MAN2B1: variants seen among roughly 807,000 people sequenced by gnomAD.
The protein encoded by MAN2B1 is mannosidase alpha class 2B member 1.
In MAN2B1, 99 loss-of-function variants were observed where a neutral mutation model predicts 127.5. That is an observed-to-expected ratio of 0.78 (90% CI 0.66 to 0.92). The LOEUF (loss-of-function observed/expected upper bound fraction) is 0.92, where lower values mean the gene tolerates loss of function less well. Ranked by LOEUF, MAN2B1 falls within the 40% of genes least tolerant of loss-of-function variation. The pLI, the probability that MAN2B1 is intolerant of heterozygous loss-of-function variation, is 0.00. For missense variants in MAN2B1, 1,304 were observed against 1,384.8 expected, an observed-to-expected ratio of 0.94 and a Z score of 0.93; for synonymous variants, 573 against 568.8, an observed-to-expected ratio of 1.01 and a Z score of -0.11.
chr19:12,654,446 T>A (rs1375319696), intron 14 of MAN2B1, among the ~76,000 whole-genome samples: 1 of 152,030 alleles, frequency 6.6e-6, no homozygotes, highest in Admixed American at 6.6e-5. Context: ...CTGCCTACAG[T>A]CTGTTCCCCA....
In MAN2B1 at chr19:12,649,169, GC is replaced by G. The variant is rs797044680; in HGVS notation, c.2402del (p.Gly801AlafsTer4). 1.2e-6 allele frequency: 2 copies of G among 1,612,486 alleles called. No individual in the cohort carries two copies. The highest frequency in any genetic ancestry group is 1.7e-6 in the Non-Finnish European group (2 of 1,179,994). On this transcript the variant is annotated frameshift_variant, in exon 20 of 24. Coordinates refer to ENST00000456935, the MANE Select transcript of MAN2B1 (RefSeq NM_000528.4). LOFTEE classifies it high-confidence loss of function. ...LTVLTDRSQG[G>X]SSLRDGSLEL... ...CCAGCGAGCCATCTCTCAGGCTGCT[GC>G]CCCCCTGGGAGCGGTCAGTCAGCAC...
In MAN2B1 at chr19:12,652,373, T is replaced by A. The variant is rs1599344555; in HGVS notation, c.1918A>T (p.Thr640Ser). 4 of 1,613,946 alleles carry A rather than the reference T, an allele frequency of 2.5e-6. No individual in the cohort carries two copies. Among genetic ancestry groups the A allele is most frequent in the Non-Finnish European group, 2.5e-6 (3 of 1,179,934 alleles). Residue 640 changes from threonine to serine, a missense_variant, in exon 15 of 24, where the codon ACC (threonine) becomes TCC (serine). Physicochemically the swap from Thr to Ser is moderately conservative, Grantham distance 58. Coordinates refer to ENST00000456935, the MANE Select transcript of MAN2B1 (RefSeq NM_000528.4). Reference sequence around the variant, plus strand: ...GTGATCTTCCCTTACCAGAAGAAGGTCTGGCGAACAGGCAGCAGGAGTTGC... The same window carrying A: ...GTGATCTTCCCTTACCAGAAGAAGGACTGGCGAACAGGCAGCAGGAGTTGC... ...NQQLLLPVRQ[T>S]FFWYNASIGD...
At chr19:12,661,190 G>T in intron 7 of MAN2B1, 70 bp downstream of exon 7, 1 of 1,017,658 alleles carries the variant, frequency 9.8e-7, no homozygotes, top group Non-Finnish European at 1.6e-6. Context: ...TGAGAGCTAT[G>T]CACATAACCC....
At chr19:12,659,355 G>C (rs957736536) in intron 7 of MAN2B1, among the ~76,000 whole-genome samples, 4 of 146,376 alleles carry the variant, frequency 2.7e-5, no homozygotes, top group African/African-American at 1.0e-4. Context: ...AAGCTGGAGT[G>C]CAGTGGCACG....
chr19:12,652,320 G>T (rs374337150), intron 15 of MAN2B1, 43 bp downstream of exon 15: 172 of 1,608,606 alleles, frequency 1.1e-4, no homozygotes, highest in Non-Finnish European at 1.5e-4. Flanking sequence ...GCTCCATGCC[G>T]AGCACCACCA....
chr19:12,658,582 T>G, intron 7 of MAN2B1, 72 bp from the exon 8 acceptor site: 1 of 1,322,934 alleles, frequency 7.6e-7, no homozygotes, highest in Non-Finnish European at 1.1e-6. Context: ...TCCACACATG[T>G]GTGCACATTC....
intron 23 of MAN2B1, 118 bp from the exon 24 acceptor site, chr19:12,646,850 G>T: frequency 1.3e-6 from 1 of 742,754 alleles, no homozygotes. Flanking sequence ...TGTCTCCAGG[G>T]CCTCAATCCC....
intron 1 of MAN2B1, among the ~76,000 whole-genome samples, chr19:12,666,297 C>T (rs960419048): frequency 1.3e-5 from 2 of 152,104 alleles, no homozygotes; most frequent in African/African-American, 2.4e-5. Flanking sequence ...TCCAATCCCA[C>T]AGTTAAGTGC....
chr19:12,650,140 A>G lies in MAN2B1; in HGVS notation c.2129T>C (p.Leu710Pro). The change falls in exon 17 of 24, where the codon CTG becomes CCG. Residue 710 changes from leucine (L) to proline (P), a missense_variant. By Grantham distance (98) the Leu-to-Pro change is moderately conservative (BLOSUM62 -3). Transcript: ENST00000456935. ...VVRLYPGQRHLELEWSVGPIP... is the reference protein window; with the variant it reads ...VVRLYPGQRHPELEWSVGPIP... ...CGGCCCCACCGACCACTCTAGCTCC[A>G]GGTGCCGCTGTCCTGGGTACAGGCG... is the stretch of plus-strand genomic sequence containing the variant. The G allele has an allele frequency of 6.2e-7, 1 of 1,614,032 alleles. No homozygotes were observed. The highest frequency in any genetic ancestry group is 8.5e-7 in the Non-Finnish European group (1 of 1,180,004).
Position 12,666,549 on chromosome 19 carries a change from T to TC in MAN2B1, c.152dup (p.Tyr52IlefsTer22), listed in dbSNP as rs1423207469. ...GCTCGGAGGCCCCACTCACCTCGTA[T>TC]CCCCCGGCCCGAGCACCGGCAGCCG... On this transcript the variant is annotated frameshift_variant, in exon 1 of 24. Transcript: ENST00000456935. LOFTEE classifies it high-confidence loss of function. The TC allele has an allele frequency of 6.3e-7, 1 of 1,581,718 alleles. No individual in the cohort carries two copies. Among genetic ancestry groups the TC allele is most frequent in the Non-Finnish European group, 8.6e-7 (1 of 1,164,600 alleles).
chr19:12,661,149 A>G (rs2024092528), intron 7 of MAN2B1, 111 bp downstream of exon 7: 3 of 795,284 alleles, frequency 3.8e-6, no homozygotes, highest in Non-Finnish European at 6.8e-6. Context: ...TAGAATGACC[A>G]CAATAGAACA....
rs758731529 is a variant in MAN2B1, at chr19:12,665,391, T to C, written c.397A>G (p.Asn133Asp). Residue 133 changes from asparagine (N) to aspartate (D), a missense_variant, in exon 3 of 24, where the codon AAT becomes GAT. Physicochemically the swap from Asn to Asp is conservative, Grantham distance 23. Transcript: ENST00000456935. ...FFSRWWHQQT[N>D]ATQEVVRDLV... The stretch of plus-strand genomic sequence containing the variant: ...TCTCGCACGACTTCCTGTGTGGCAT[T>C]TGTCTGCTGGTGCCACCAACGGGAG... 6.2e-7 allele frequency: 1 copy of C among 1,611,496 alleles called. No individual in the cohort carries two copies. The highest frequency in any genetic ancestry group is 2.2e-5 in the East Asian group (1 of 44,874).
rs1568300632 is a variant in MAN2B1, at chr19:12,652,430, CTG to C, written c.1859_1860del (p.Thr620ArgfsTer30). On this transcript the variant is annotated frameshift_variant, in exon 15 of 24. Coordinates refer to ENST00000456935, the MANE Select transcript of MAN2B1 (RefSeq NM_000528.4). LOFTEE classifies it high-confidence loss of function. Reference protein sequence around the residue: ...EHIRATFDPDTGLLMEIMNMN... With the variant: ...EHIRATFDPDXGLLMEIMNMN... ...ATGTTCATAATCTCCATCAACAGCC[CTG>C]TGTCAGGATCAAACGTTGCCCGGAT... The C allele has an allele frequency of 6.2e-7, 1 of 1,614,090 alleles. No homozygotes were observed. The highest frequency in any genetic ancestry group is 1.3e-5 in the African/African-American group (1 of 75,008).
rs962577495 is a variant in MAN2B1 at position 12,655,977 on chromosome 19, T to A, written c.1645-98A>T. 4.3e-6 allele frequency: 4 copies of A among 932,108 alleles called. No individual in the cohort carries two copies. The African/African-American group carries it at 6.6e-5, about 15-fold the overall frequency. 57.7% of individuals were successfully genotyped at this position (932,108 alleles called of 1,614,324 possible). ...TCAAGGAAGGAAAAGAGTCCTGAGA[T>A]GGGGAAAGGAAATGGAGGTGTGTGT... On this transcript the variant is annotated intron_variant, in intron 13 of 23. Transcript: ENST00000456935.
Position 12,655,752 on chromosome 19 carries a change from C to T in MAN2B1, c.1772G>A (p.Arg591His), listed in dbSNP as rs544475124. 5.7e-5 allele frequency: 91 copies of T among 1,608,768 alleles called. 1 individual carries two copies. The South Asian group carries it at 7.0e-4, about 12-fold the overall frequency. Residue 591 changes from arginine to histidine, a missense_variant, in exon 14 of 24, where the codon CGC (arginine) becomes CAC (histidine). Arg to His is a conservative substitution (Grantham distance 29). Transcript: ENST00000456935. ...AQVPRWKPQARAPQPIPRRSW... is the reference protein window; with the variant it reads ...AQVPRWKPQAHAPQPIPRRSW... Reference sequence around the variant, plus strand: ...TCTTCTGGGGATGGGCTGTGGTGCGCGGGCCTGGGGCTTCCAGCGAGGCAC... The same window carrying T: ...TCTTCTGGGGATGGGCTGTGGTGCGTGGGCCTGGGGCTTCCAGCGAGGCAC...
chr19:12,664,735 C>T, intron 4 of MAN2B1, 57 bp downstream of exon 4: 5 of 1,546,956 alleles, frequency 3.2e-6, no homozygotes, highest in Non-Finnish European at 3.5e-6. Context: ...TTTGACTGGG[C>T]GAGGGAGGAG....
rs2023966726 is a variant in MAN2B1 at position 12,656,631 on chromosome 19, C to A, written c.1584G>T (p.Leu528=). The A allele has an allele frequency of 6.2e-7, 1 of 1,614,030 alleles. No homozygotes were observed. The highest frequency in any genetic ancestry group is 8.5e-7 in the Non-Finnish European group (1 of 1,179,962). The change falls in exon 13 of 24, where the codon CTG becomes CTT. Residue 528 remains leucine, a synonymous_variant. Transcript: ENST00000456935. ...CAACGAAAACGCCTTCGCTGACCGG[C>A]AGCCGTACCATCCAATTCACCTTCC... is the stretch of plus-strand genomic sequence containing the variant. ...LGRKVNWMVR[L]PVSEGVFVVK... is the part of the protein sequence containing the mutation.
At position 12,649,697 on chromosome 19, in the gene MAN2B1, T is replaced by C. The variant is rs8102193; in HGVS notation, c.2267+216A>G. On this transcript the variant is annotated intron_variant, in intron 18 of 23. Transcript: ENST00000456935. ...CGGGGTTTCACCATGTTAGCCAGGATAGTCTCGATCTCCTGACCTTGTGAT... is the reference window on the plus strand; with the variant it reads ...CGGGGTTTCACCATGTTAGCCAGGACAGTCTCGATCTCCTGACCTTGTGAT... 0.59 allele frequency among the ~76,000 whole-genome samples: 89,006 copies of C among 151,148 alleles called. 27,369 individuals carry two copies. The highest frequency in any genetic ancestry group is 0.68 in the Non-Finnish European group (46,161 of 67,728).
intron 2 of MAN2B1, 33 bp from the exon 3 acceptor site, chr19:12,665,558 C>G: frequency 6.2e-7 from 1 of 1,613,416 alleles, no homozygotes; most frequent in East Asian, 2.2e-5. Flanking sequence ...TCTCAGGGAA[C>G]AGCAGAGCCA....
Sources: gnomAD v4.1 joint callset for allele counts (sites outside exome capture counted in the v4.1 genomes callset) on GRCh38, gnomAD v4.1.1 for gene constraint, MANE v1.5 for transcripts, NCBI Gene and HGNC (gene_info 2026-07-23, HGNC 2026-07-21) for gene names.